ANLN: variants seen among roughly 807,000 people sequenced by gnomAD.
ANLN encodes the protein anillin.
In ANLN, 59 loss-of-function variants were observed where a neutral mutation model predicts 135.1. The ratio of observed to expected loss-of-function variants is 0.44; its 90% CI spans 0.35 to 0.54. The LOEUF is 0.54. Among genes scored for constraint, ANLN ranks in the 20% least tolerant of loss-of-function variants. The pLI, the probability that ANLN is intolerant of heterozygous loss-of-function variation, is 0.00. For synonymous variants in ANLN, 406 were observed against 456.4 expected (o/e 0.89, Z 1.41); for missense variants, 1,182 against 1,340.0 (o/e 0.88, Z 1.84).
intron 23 of ANLN, among the ~76,000 whole-genome samples, 188 bp from the exon 24 acceptor site, chr7:36,452,289 G>A (rs1441935666): frequency 6.6e-6 from 1 of 152,184 alleles, no homozygotes; most frequent in African/African-American, 2.4e-5. Flanking sequence ...ACCAAACTGG[G>A]GATAATTTTC....
chr7:36,415,830 GA>G lies in ANLN; in HGVS notation c.1472del (p.Lys491ArgfsTer2). The G allele has an allele frequency of 6.2e-7, 1 of 1,610,100 alleles. No homozygotes were observed. The highest frequency in any genetic ancestry group is 1.7e-5 in the Admixed American group (1 of 59,108). On this transcript the variant is annotated frameshift_variant, in exon 8 of 24. Coordinates refer to ENST00000265748, the MANE Select transcript of ANLN (RefSeq NM_018685.5). LOFTEE classifies it high-confidence loss of function. ...VSKTQSLPVT[E>X]KVTENQIPAK... ...AAAAACTCAGTCACTTCCAGTAACA[GA>G]AAAGGTGACCGAAAACCAGATACCA...
intron 14 of ANLN, 144 bp from the exon 15 acceptor site, chr7:36,423,673 C>T: frequency 2.6e-6 from 2 of 760,104 alleles, no homozygotes; most frequent in Non-Finnish European, 3.7e-6. Flanking sequence ...CTTTTTGTGT[C>T]TGGAAAGTTG....
chr7:36,417,564 A>G (rs868024178), intron 9 of ANLN, among the ~76,000 whole-genome samples: 2 of 151,996 alleles, frequency 1.3e-5, no homozygotes, highest in East Asian at 3.9e-4. Context: ...TTCTGACACT[A>G]GCTACATGGA....
At position 36,450,903 on chromosome 7, in the gene ANLN, C is replaced by A. The variant is rs186319741; in HGVS notation, c.3251+1066C>A. 1.1e-3 allele frequency among the ~76,000 whole-genome samples: 164 copies of A among 152,268 alleles called. 2 individuals are homozygous for A. The highest frequency in any genetic ancestry group is 3.7e-3 in the African/African-American group (153 of 41,544). On this transcript the variant is annotated intron_variant, in intron 23 of 23. Coordinates refer to ENST00000265748, the MANE Select transcript of ANLN (RefSeq NM_018685.5). Reference sequence around the variant, plus strand: ...GTATAACCTTATTTTTTACTGGTTGCGTAAACTCTCTTAGACTTCTCCGTA... The same window carrying A: ...GTATAACCTTATTTTTTACTGGTTGAGTAAACTCTCTTAGACTTCTCCGTA...
In ANLN at chr7:36,406,620, G is replaced by A. The variant is rs565549594; in HGVS notation, c.873+54G>A. ...AGCCTTTTCTTTTTTCGTTATGAGT[G>A]GTATAATACATCTGTGTGTATGTGC... On this transcript the variant is annotated intron_variant, in intron 4 of 23. Coordinates refer to ENST00000265748, the MANE Select transcript of ANLN (RefSeq NM_018685.5). The A allele has an allele frequency of 9.1e-6, 13 of 1,430,390 alleles. No individual in the cohort carries two copies. The South Asian group carries it at 1.3e-4, about 15-fold the overall frequency. 88.6% of individuals were successfully genotyped at this position (1,430,390 alleles called of 1,614,324 possible).
chr7:36,447,748 A>G (rs931729580), intron 22 of ANLN, among the ~76,000 whole-genome samples: 1 of 152,218 alleles, frequency 6.6e-6, no homozygotes, highest in African/African-American at 2.4e-5. Context: ...TCCACATGCC[A>G]GGTGCGATGG....
At chr7:36,421,802 T>G in intron 12 of ANLN, 55 bp from the exon 13 acceptor site, 1 of 1,479,894 alleles carries the variant, frequency 6.8e-7, no homozygotes, top group Non-Finnish European at 9.1e-7. Context: ...AAATTTAAAG[T>G]GAAAATGATG....
chr7:36,404,132 G>T (rs1787089794), intron 3 of ANLN, among the ~76,000 whole-genome samples: 1 of 151,966 alleles, frequency 6.6e-6, no homozygotes, highest in Admixed American at 6.6e-5. Context: ...CACCGTGCCC[G>T]GCTAATCTTT....
At chr7:36,435,745 C>T (rs1788510682) in intron 20 of ANLN, among the ~76,000 whole-genome samples, 1 of 150,080 alleles carries the variant, frequency 6.7e-6, no homozygotes, top group Admixed American at 6.6e-5. Flanking sequence ...TGGTAGCGGG[C>T]GCCTGTAGTC....
At chr7:36,398,518 T>A (rs533475720) in intron 2 of ANLN, among the ~76,000 whole-genome samples, 2 of 152,362 alleles carry the variant, frequency 1.3e-5, no homozygotes, top group African/African-American at 4.8e-5. Context: ...TCTGTTAGAA[T>A]GCTTTCTTAT....
chr7:36,438,353 G>GC (rs1337764986), intron 20 of ANLN, among the ~76,000 whole-genome samples: 1 of 152,048 alleles, frequency 6.6e-6, no homozygotes, highest in Non-Finnish European at 1.5e-5. Context: ...CTGTTCTTAT[G>GC]CCAGCACCAC....
chr7:36,420,051 G>T, intron 10 of ANLN, 118 bp from the exon 11 acceptor site: 1 of 954,300 alleles, frequency 1.0e-6, no homozygotes, highest in Non-Finnish European at 1.5e-6. Flanking sequence ...TTTTTATGAT[G>T]AATCAATCAG....
chr7:36,396,275 G>A lies in ANLN; in HGVS notation c.28G>A (p.Glu10Lys), dbSNP rs745505783. Residue 10 changes from glutamate to lysine, a missense_variant, in exon 2 of 24, where the codon GAG becomes AAG. Physicochemically the swap from Glu to Lys is moderately conservative, Grantham distance 56 (BLOSUM62 1). Coordinates refer to ENST00000265748, the MANE Select transcript of ANLN (RefSeq NM_018685.5). Reference sequence around the variant, plus strand: ...ATATTTATTTATGTAGAAACTGCTGGAGCGAACCCGTGCCAGGCGAGAGAA... The same window carrying A: ...ATATTTATTTATGTAGAAACTGCTGAAGCGAACCCGTGCCAGGCGAGAGAA... MDPFTEKLLERTRARRENLQ... is the reference protein window; with the variant it reads MDPFTEKLLKRTRARRENLQ... 2.1e-5 allele frequency: 33 copies of A among 1,597,358 alleles called. No individual in the cohort carries two copies. The South Asian group carries it at 3.6e-4, about 17-fold the overall frequency.
chr7:36,394,503 G>A (rs1380628431), intron 1 of ANLN, among the ~76,000 whole-genome samples: 1 of 152,180 alleles, frequency 6.6e-6, no homozygotes, highest in South Asian at 2.1e-4. Context: ...ATTTGTTGAA[G>A]GACTTTTATT....
Position 36,430,378 on chromosome 7 carries a change from A to G in ANLN, c.2883+3350A>G, listed in dbSNP as rs550833911. 9.9e-5 allele frequency among the ~76,000 whole-genome samples: 15 copies of G among 152,262 alleles called. No individual in the cohort carries two copies. The East Asian group carries it at 1.5e-3, about 16-fold the overall frequency. ...AGGACACCACTGTCAGTGGATTTCC[A>G]TTTTATTTGAGGCTATTCAGATCTG... is the stretch of plus-strand genomic sequence containing the variant. On this transcript the variant is annotated intron_variant, in intron 20 of 23. Transcript: ENST00000265748.
chr7:36,400,379 A>T (rs1786893831), intron 3 of ANLN, among the ~76,000 whole-genome samples: 1 of 151,680 alleles, frequency 6.6e-6, no homozygotes, highest in South Asian at 2.1e-4. Flanking sequence ...TTTTTTTTTG[A>T]GACAGAGTCT....
intron 3 of ANLN, among the ~76,000 whole-genome samples, chr7:36,399,975 C>G (rs1203613325): frequency 6.6e-6 from 1 of 151,362 alleles, no homozygotes; most frequent in African/African-American, 2.4e-5. Context: ...CACTTATCGC[C>G]TGCCTTGTTA....
intron 20 of ANLN, among the ~76,000 whole-genome samples, chr7:36,434,025 TC>T (rs1360357328): frequency 6.6e-6 from 1 of 152,210 alleles, no homozygotes; most frequent in Non-Finnish European, 1.5e-5. Context: ...AGGATTTTTT[TC>T]CCCTTGATAA....
In ANLN at chr7:36,422,691, G is replaced by A. The variant is rs761024164; in HGVS notation, c.2358G>A (p.Gln786=). Residue 786 remains glutamine (Q), a synonymous_variant, in exon 14 of 24, where the codon CAG becomes CAA. Coordinates refer to ENST00000265748, the MANE Select transcript of ANLN (RefSeq NM_018685.5). The stretch of plus-strand genomic sequence containing the variant: ...ATAAATTGAAGAACGAAGGACCTCA[G>A]AGGAAGAATAAGGCTAGTCCCCAAA... ...ELNKLKNEGP[Q]RKNKASPQSE... 2.8e-5 allele frequency: 45 copies of A among 1,612,742 alleles called. No individual in the cohort carries two copies. In the Middle Eastern group the frequency reaches 5.1e-3, roughly 183 times the overall value.
Sources: gnomAD v4.1 joint callset for allele counts (sites outside exome capture counted in the v4.1 genomes callset) on GRCh38, gnomAD v4.1.1 for gene constraint, MANE v1.5 for transcripts, NCBI Gene and HGNC (gene_info 2026-07-23, HGNC 2026-07-21) for gene names.